The following TMEM164 variants were observed in gnomAD, a reference collection of about 807,000 sequenced individuals.
The protein encoded by TMEM164 is RP13-360B22.2.
In TMEM164, 4 loss-of-function variants were observed where a neutral mutation model predicts 18.8. The observed-to-expected ratio is 0.21, with a 90% confidence interval of 0.10 to 0.49. The LOEUF (loss-of-function observed/expected upper bound fraction) is 0.49. Among genes scored for constraint, TMEM164 ranks in the 20% least tolerant of loss-of-function variants. The pLI is 0.98. For synonymous variants in TMEM164, 86 were observed against 101.7 expected, an observed-to-expected ratio of 0.85 and a Z score of 0.93; for missense variants, 108 against 239.9, an observed-to-expected ratio of 0.45 and a Z score of 3.63.
intron 3 of TMEM164, among the ~76,000 whole-genome samples, chrX:110,096,346 T>C (rs1430778937): frequency 8.9e-6 from 1 of 112,873 alleles, no homozygotes; most frequent in African/African-American, 3.2e-5. Context: ...CAGTTCGAGC[T>C]TCCTGCCTGC....
chrX:110,119,272 T>C (rs888994679), intron 4 of TMEM164, among the ~76,000 whole-genome samples: 5 of 111,977 alleles, frequency 4.5e-5, no homozygotes, highest in African/African-American at 1.3e-4. Flanking sequence ...GTATCATTTC[T>C]TTACAGAAGT....
intron 3 of TMEM164, among the ~76,000 whole-genome samples, chrX:110,105,679 GACAC>G (rs758900532): frequency 0.071 from 4,616 of 65,326 alleles, 122 homozygotes; most frequent in Middle Eastern, 0.12. Flanking sequence ...TAGAAACACA[GACAC>G]ACACACACAC....
At chrX:110,113,535 A>AT (rs1245850629) in intron 4 of TMEM164, among the ~76,000 whole-genome samples, 1 of 111,788 alleles carries the variant, frequency 8.9e-6, no homozygotes, top group African/African-American at 3.3e-5. Flanking sequence ...TAATTATTTT[A>AT]TTTTTTTGCT....
chrX:110,014,802 G>A (rs1933242945), intron 2 of TMEM164, among the ~76,000 whole-genome samples: 1 of 90,921 alleles, frequency 1.1e-5, no homozygotes, highest in Admixed American at 1.4e-4. Context: ...TAAGGGGAGT[G>A]CAACTTTCTC....
At chrX:110,041,418 G>T (rs746113013) in intron 2 of TMEM164, among the ~76,000 whole-genome samples, 2 of 111,697 alleles carry the variant, frequency 1.8e-5, no homozygotes, top group Non-Finnish European at 3.8e-5. Context: ...GTTCACCGGA[G>T]ATAGATGTGA....
At chrX:110,052,325 A>C (rs1935596863) in intron 2 of TMEM164, among the ~76,000 whole-genome samples, 1 of 112,079 alleles carries the variant, frequency 8.9e-6, no homozygotes, top group Admixed American at 9.5e-5. Context: ...AAATTCATAC[A>C]ATTTTAAAGG....
intron 2 of TMEM164, among the ~76,000 whole-genome samples, chrX:110,022,969 G>C (rs1234039156): frequency 8.9e-6 from 1 of 112,540 alleles, no homozygotes; most frequent in Admixed American, 9.4e-5. Flanking sequence ...GAATGGCAGA[G>C]CCAGGGCTGG....
intron 4 of TMEM164, among the ~76,000 whole-genome samples, chrX:110,111,930 G>C (rs755425665): frequency 1.4e-3 from 153 of 111,464 alleles, no homozygotes; most frequent in Middle Eastern, 9.3e-3. Flanking sequence ...AGCGGTTGCT[G>C]GGTGCAGTGG....
Position 110,042,130 on chromosome X carries a change from CT to C in TMEM164, c.391-25203del, listed in dbSNP as rs1261148402. The stretch of plus-strand genomic sequence containing the variant: ...GCAACCACCACTCCTATTTCTAGCA[CT>C]TTTTTTTTTTTTTAAATCACACCAA... On this transcript the variant is annotated intron_variant, in intron 2 of 6. Transcript: ENST00000372068. Among the ~76,000 whole-genome samples the C allele has an allele frequency of 6.7e-3, 689 of 102,704 alleles. 2 individuals are homozygous for C. The highest frequency in any genetic ancestry group is 0.016 in the African/African-American group (449 of 28,648). 89.2% of individuals were successfully genotyped at this position (102,704 alleles called of 115,157 possible).
At chrX:110,152,231 T>C (rs1337150676) in intron 5 of TMEM164, among the ~76,000 whole-genome samples, 1 of 109,433 alleles carries the variant, frequency 9.1e-6, no homozygotes, top group East Asian at 2.9e-4. Flanking sequence ...AATTTTTGTA[T>C]TTTTAGTAGA....
chrX:110,054,742 G>A (rs1156632187), intron 2 of TMEM164, among the ~76,000 whole-genome samples: 1 of 111,833 alleles, frequency 8.9e-6, no homozygotes, highest in Non-Finnish European at 1.9e-5. Flanking sequence ...TTGGTTTGTA[G>A]GTTCAAAGCC....
At chrX:110,115,211 C>T (rs1279879537) in intron 4 of TMEM164, among the ~76,000 whole-genome samples, 1 of 112,248 alleles carries the variant, frequency 8.9e-6, no homozygotes, top group African/African-American at 3.2e-5. Flanking sequence ...CTAATTGGCA[C>T]ATCGAAATGT....
intron 2 of TMEM164, among the ~76,000 whole-genome samples, chrX:110,049,575 T>C (rs36068064): frequency 0.45 from 49,459 of 110,199 alleles, 9,762 homozygotes; most frequent in Non-Finnish European, 0.62. Context: ...TGGCACTCAC[T>C]TCCTGCTGTG....
intron 5 of TMEM164, among the ~76,000 whole-genome samples, chrX:110,157,748 G>T (rs1013010823): frequency 5.6e-4 from 63 of 112,456 alleles, no homozygotes; most frequent in African/African-American, 1.5e-3. Flanking sequence ...TCCTATATCT[G>T]TTCTATTCCA....
At position 110,173,505 on chromosome X, in the gene TMEM164, T is replaced by C. The variant is rs1363728483; in HGVS notation, c.*54T>C. 3.9e-6 allele frequency: 4 copies of C among 1,028,795 alleles called. 1 individual carries two copies. The African/African-American group carries it at 5.7e-5, about 15-fold the overall frequency. 84.8% of individuals were successfully genotyped at this position (1,028,795 alleles called of 1,213,427 possible). ...CTGAGGAAGCAAGTCGTGACTTGAC[T>C]TGGAGAACACCCAGTTCTTGATAAA... On this transcript the variant is annotated 3_prime_UTR_variant, in exon 7 of 7. Transcript: ENST00000372068.
chrX:110,082,477 C>T (rs1293819784), intron 3 of TMEM164, among the ~76,000 whole-genome samples: 1 of 111,921 alleles, frequency 8.9e-6, no homozygotes, highest in African/African-American at 3.2e-5. Context: ...ATCCAAGCCA[C>T]AGAATTCTTT....
Position 110,133,491 on chromosome X carries a change from A to G in TMEM164, c.508-11307A>G, listed in dbSNP as rs1213798960. 4.5e-5 allele frequency among the ~76,000 whole-genome samples: 5 copies of G among 112,125 alleles called. No homozygotes were observed. The East Asian group carries it at 1.4e-3, about 31-fold the overall frequency. On this transcript the variant is annotated intron_variant, in intron 4 of 6. Coordinates refer to ENST00000372068, the MANE Select transcript of TMEM164 (RefSeq NM_032227.4). ...ATGAGGACACTGGTCATATTGGATT[A>G]GGACCCACCCATATGACCTCATTTT...
intron 1 of TMEM164, 108 bp downstream of exon 1, chrX:110,003,286 C>T (rs1932443221): frequency 8.6e-6 from 1 of 116,388 alleles, no homozygotes; most frequent in African/African-American, 3.3e-5. Flanking sequence ...AGCTCTGACC[C>T]CTTTTGGCTC....
At chrX:110,081,071 T>G (rs934095422) in intron 3 of TMEM164, among the ~76,000 whole-genome samples, 5 of 109,975 alleles carry the variant, frequency 4.5e-5, no homozygotes, top group Admixed American at 2.0e-4. Context: ...TATTATTCCA[T>G]TGTGTGGAAA....
Sources: allele counts gnomAD v4.1 joint callset (sites outside exome capture counted in the v4.1 genomes callset), GRCh38; gene constraint gnomAD v4.1.1; transcripts MANE v1.5; gene names NCBI Gene and HGNC (gene_info 2026-07-23, HGNC 2026-07-21).